CSMD1: variants seen among roughly 807,000 people sequenced by gnomAD.
CSMD1 encodes CUB and Sushi multiple domains 1, also known as CUB and sushi domain-containing protein 1.
A neutral mutation model predicts 417.5 loss-of-function variants in CSMD1; 213 were observed. That is an observed-to-expected ratio of 0.51 (90% confidence interval 0.46 to 0.57). CSMD1 has a LOEUF of 0.57. Ranked by LOEUF, CSMD1 falls within the 20% of genes least tolerant of loss-of-function variation. The probability of loss-of-function intolerance (pLI) is 0.00; values close to 1 mark genes in which losing one functional copy is unlikely to be tolerated. For synonymous variants in CSMD1, 2,862 were observed against 1,736.8 expected (o/e 1.65, Z -16.11); for missense variants, 6,923 against 4,529.7 (o/e 1.53, Z -15.17).
chr8:4,765,776 A>G lies in CSMD1; in HGVS notation c.86-128218T>C, dbSNP rs377599730. On this transcript the variant is annotated intron_variant, in intron 1 of 69. Transcript: ENST00000635120. The stretch of plus-strand genomic sequence containing the variant: ...AAATTATTGGGATAATTTCCATAAT[A>G]GAGAGAGCCTGGGGGTTGATGAAAG... Among the ~76,000 whole-genome samples, 53 of 152,324 alleles carry G rather than the reference A, an allele frequency of 3.5e-4. No homozygotes were observed. In the East Asian group the frequency reaches 9.7e-3, roughly 28 times the overall value.
chr8:4,899,324 T>G (rs1224874186), intron 1 of CSMD1, among the ~76,000 whole-genome samples: 2 of 102,830 alleles, frequency 1.9e-5, no homozygotes, highest in Non-Finnish European at 3.8e-5. Context: ...CCTTTAAAAT[T>G]GAAGTGGCAT....
Position 3,139,796 on chromosome 8 carries a change from G to A in CSMD1, c.6241+2669C>T, listed in dbSNP as rs188558497. On this transcript the variant is annotated intron_variant, in intron 41 of 69. Transcript: ENST00000635120. The stretch of plus-strand genomic sequence containing the variant: ...TTCATGGATAGTAGCTGAAAATGCA[G>A]AAATAGAAAATATTCTCTAAATAAT... Among the ~76,000 whole-genome samples, 364 of 152,146 alleles carry A rather than the reference G, an allele frequency of 2.4e-3. 1 individual carries two copies. The highest frequency in any genetic ancestry group is 3.0e-3 in the Non-Finnish European group (206 of 68,012).
At chr8:4,819,825 C>T (rs542143439) in intron 1 of CSMD1, among the ~76,000 whole-genome samples, 2 of 152,166 alleles carry the variant, frequency 1.3e-5, no homozygotes, top group Non-Finnish European at 2.9e-5. Context: ...AGGTTCCATT[C>T]CTCCAACCAG....
intron 3 of CSMD1, among the ~76,000 whole-genome samples, chr8:4,310,658 A>G (rs1442109881): frequency 1.3e-5 from 2 of 152,192 alleles, no homozygotes; most frequent in African/African-American, 4.8e-5. Flanking sequence ...CCGAGACTAT[A>G]AAATTTAGGG....
chr8:4,096,181 T>C (rs543988573), intron 3 of CSMD1, among the ~76,000 whole-genome samples: 43 of 152,160 alleles, frequency 2.8e-4, no homozygotes, highest in Non-Finnish European at 5.0e-4. Context: ...AGTTTTTCTC[T>C]TCAAAATGGA....
At chr8:3,149,789 A>G (rs1819080058) in intron 40 of CSMD1, among the ~76,000 whole-genome samples, 1 of 152,180 alleles carries the variant, frequency 6.6e-6, no homozygotes, top group African/African-American at 2.4e-5. Context: ...TGGGTATTTC[A>G]GGTATAGAAA....
At chr8:4,236,048 T>TTTTTG (rs1802035268) in intron 3 of CSMD1, among the ~76,000 whole-genome samples, 1 of 40,650 alleles carries the variant, frequency 2.5e-5, no homozygotes, top group Non-Finnish European at 7.9e-5. Flanking sequence ...TGTTTTTTTT[T>TTTTTG]TTTTTTTTTT....
intron 3 of CSMD1, among the ~76,000 whole-genome samples, chr8:4,177,631 G>A (rs558683972): frequency 4.8e-5 from 7 of 145,600 alleles, no homozygotes; most frequent in African/African-American, 1.8e-4. Flanking sequence ...AAAAATTAAT[G>A]AATCCAGGAG....
intron 5 of CSMD1, among the ~76,000 whole-genome samples, chr8:3,864,618 G>C (rs185074585): frequency 1.3e-5 from 2 of 152,192 alleles, no homozygotes; most frequent in Non-Finnish European, 2.9e-5. Flanking sequence ...TCCCTCCCCA[G>C]TAACCCCATC....
rs35090952 is a variant in CSMD1, at chr8:3,182,578, C to CTGTG, written c.5621-1368_5621-1365dup. Among the ~76,000 whole-genome samples the CTGTG allele has an allele frequency of 4.5e-3, 422 of 94,090 alleles. 6 individuals carry two copies. Among genetic ancestry groups the CTGTG allele is most frequent in the Non-Finnish European group, 5.8e-3 (295 of 50,860 alleles). 61.7% of individuals were successfully genotyped at this position (94,090 alleles called of 152,430 possible). ...ACTCTGGCTGTCTTTTTATAAGAAG[C>CTGTG]TGTGTGTGTGTGTGTGTGTGTGTGT... is the stretch of plus-strand genomic sequence containing the variant. On this transcript the variant is annotated intron_variant, in intron 36 of 69. Coordinates refer to ENST00000635120, the MANE Select transcript of CSMD1 (RefSeq NM_033225.6).
chr8:4,067,282 A>AT (rs1799302222), intron 3 of CSMD1, among the ~76,000 whole-genome samples: 1 of 152,158 alleles, frequency 6.6e-6, no homozygotes, highest in African/African-American at 2.4e-5. Flanking sequence ...CCGAGATAGA[A>AT]TTTTTTCAAA....
At chr8:3,223,992 G>A in intron 27 of CSMD1, 125 bp from the exon 28 acceptor site, 1 of 833,684 alleles carries the variant, frequency 1.2e-6, no homozygotes, top group South Asian at 2.1e-5. Flanking sequence ...CAGTCCAAGA[G>A]ATTGTGTGTT....
intron 2 of CSMD1, among the ~76,000 whole-genome samples, chr8:4,626,561 G>T (rs1288464104): frequency 6.6e-6 from 1 of 152,070 alleles, no homozygotes; most frequent in East Asian, 1.9e-4. Flanking sequence ...AGATCAACAA[G>T]AGCTAGACTC....
At chr8:4,713,635 T>TA (rs1218394121) in intron 1 of CSMD1, among the ~76,000 whole-genome samples, 2 of 152,068 alleles carry the variant, frequency 1.3e-5, no homozygotes, top group African/African-American at 4.8e-5. Context: ...CATAACAATA[T>TA]AAAAAAGTGG....
chr8:4,223,525 G>A (rs927425257), intron 3 of CSMD1, among the ~76,000 whole-genome samples: 6 of 152,214 alleles, frequency 3.9e-5, no homozygotes, highest in African/African-American at 9.6e-5. Context: ...CCACACCACT[G>A]CTCGTTAATA....
At chr8:4,358,903 G>A (rs1008062326) in intron 3 of CSMD1, among the ~76,000 whole-genome samples, 2 of 152,170 alleles carry the variant, frequency 1.3e-5, no homozygotes, top group African/African-American at 4.8e-5. Context: ...CTACAGGACA[G>A]TGAACCTTTA....
At chr8:4,237,697 G>C (rs369406676) in intron 3 of CSMD1, among the ~76,000 whole-genome samples, 4 of 152,090 alleles carry the variant, frequency 2.6e-5, no homozygotes, top group African/African-American at 9.7e-5. Flanking sequence ...ACTTTTTGTA[G>C]AGACATGGTT....
chr8:3,946,056 C>A (rs1274850199), intron 5 of CSMD1, among the ~76,000 whole-genome samples: 1 of 152,116 alleles, frequency 6.6e-6, no homozygotes, highest in Non-Finnish European at 1.5e-5. Flanking sequence ...ACCTTTCTTT[C>A]AATACTAACG....
chr8:4,452,806 T>A (rs1025738428), intron 2 of CSMD1, among the ~76,000 whole-genome samples: 2 of 149,632 alleles, frequency 1.3e-5, no homozygotes, highest in South Asian at 2.2e-4. Flanking sequence ...ATAACAAAAA[T>A]CCCCCAGTCC....
Sources: gnomAD v4.1 joint callset for allele counts (sites outside exome capture counted in the v4.1 genomes callset) on GRCh38, gnomAD v4.1.1 for gene constraint, MANE v1.5 for transcripts, NCBI Gene and HGNC (gene_info 2026-07-23, HGNC 2026-07-21) for gene names.